The following CAMTA1 variants were observed in gnomAD, a reference collection of about 807,000 sequenced individuals.
CAMTA1 encodes the protein calmodulin binding transcription activator 1.
A neutral mutation model predicts 170.9 loss-of-function variants in CAMTA1; 27 were observed. The observed-to-expected ratio is 0.16, with a 90% CI of 0.12 to 0.22. The LOEUF (loss-of-function observed/expected upper bound fraction) is 0.22. Ranked by LOEUF, CAMTA1 falls within the 10% of genes least tolerant of loss-of-function variation. CAMTA1 has a pLI of 1.00. For synonymous variants in CAMTA1, 833 were observed against 891.5 expected (o/e 0.93, Z 1.17); for missense variants, 1,619 against 2,217.2 (o/e 0.73, Z 5.42).
intron 11 of CAMTA1, among the ~76,000 whole-genome samples, chr1:7,731,809 G>A (rs940259666): frequency 2.0e-5 from 3 of 151,890 alleles, no homozygotes; most frequent in African/African-American, 7.3e-5. Flanking sequence ...CCTGGGAAGT[G>A]GAAGTTGCAA....
At chr1:7,515,930 G>T (rs1240649371) in intron 6 of CAMTA1, among the ~76,000 whole-genome samples, 1 of 152,178 alleles carries the variant, frequency 6.6e-6, no homozygotes, top group Non-Finnish European at 1.5e-5. Flanking sequence ...GGATTGTGGA[G>T]CCTGGTGGCT....
chr1:7,521,905 T>C (rs1274993481), intron 6 of CAMTA1, among the ~76,000 whole-genome samples: 2 of 152,244 alleles, frequency 1.3e-5, no homozygotes, highest in South Asian at 2.1e-4. Context: ...GAACCACTAT[T>C]GTTTGAACCA....
chr1:7,049,894 GC>G (rs1469212772), intron 3 of CAMTA1, among the ~76,000 whole-genome samples: 1 of 152,240 alleles, frequency 6.6e-6, no homozygotes, highest in African/African-American at 2.4e-5. Context: ...CAGAGTCTCT[GC>G]CTTCAAGGAG....
chr1:6,950,054 G>T (rs943616284), intron 3 of CAMTA1, among the ~76,000 whole-genome samples: 1 of 152,238 alleles, frequency 6.6e-6, no homozygotes, highest in African/African-American at 2.4e-5. Flanking sequence ...CCAAGGAAGG[G>T]TGAATCTGTG....
chr1:7,546,073 A>G (rs1005738188), intron 6 of CAMTA1, among the ~76,000 whole-genome samples: 3 of 150,796 alleles, frequency 2.0e-5, no homozygotes, highest in African/African-American at 7.3e-5. Flanking sequence ...CTCCTGCCTC[A>G]GTCTCCCGAG....
At chr1:7,102,398 T>C (rs1023910383) in intron 4 of CAMTA1, among the ~76,000 whole-genome samples, 1 of 152,126 alleles carries the variant, frequency 6.6e-6, no homozygotes, top group Non-Finnish European at 1.5e-5. Flanking sequence ...CCCATCACTC[T>C]CTCCACCGGG....
At chr1:6,902,346 A>G (rs564913234) in intron 3 of CAMTA1, among the ~76,000 whole-genome samples, 1 of 152,342 alleles carries the variant, frequency 6.6e-6, no homozygotes, top group African/African-American at 2.4e-5. Context: ...CAACTGGCCA[A>G]TGAATAAGCA....
At chr1:6,980,189 G>T (rs956970498) in intron 3 of CAMTA1, among the ~76,000 whole-genome samples, 7 of 152,190 alleles carry the variant, frequency 4.6e-5, no homozygotes, top group African/African-American at 1.7e-4. Flanking sequence ...AGTCTCGCCT[G>T]TTGGGGGCCT....
At chr1:7,112,404 C>T (rs562834535) in intron 4 of CAMTA1, among the ~76,000 whole-genome samples, 1 of 152,314 alleles carries the variant, frequency 6.6e-6, no homozygotes, top group African/African-American at 2.4e-5. Flanking sequence ...TGTTTTTCTT[C>T]ACTATAAGTG....
intron 6 of CAMTA1, among the ~76,000 whole-genome samples, chr1:7,497,091 C>T (rs1006513176): frequency 3.3e-5 from 5 of 152,222 alleles, no homozygotes; most frequent in African/African-American, 1.2e-4. Flanking sequence ...TTAAACTCAT[C>T]ACCCAAGATA....
At chr1:6,892,595 TTC>T (rs1264192353) in intron 3 of CAMTA1, among the ~76,000 whole-genome samples, 2 of 138,982 alleles carry the variant, frequency 1.4e-5, no homozygotes, top group Non-Finnish European at 3.2e-5. Flanking sequence ...TTTTTTTCTT[TTC>T]TTTTTTTTTT....
intron 6 of CAMTA1, among the ~76,000 whole-genome samples, chr1:7,632,646 C>T (rs190402456): frequency 2.0e-5 from 3 of 152,392 alleles, no homozygotes; most frequent in Admixed American, 2.0e-4. Flanking sequence ...CCTCCTCCTC[C>T]TCAGCGGAGA....
At chr1:7,139,676 G>A (rs1041124457) in intron 4 of CAMTA1, among the ~76,000 whole-genome samples, 9 of 152,170 alleles carry the variant, frequency 5.9e-5, no homozygotes, top group Non-Finnish European at 1.0e-4. Context: ...ATTCCTTGGC[G>A]ACTAGGTAGT....
intron 6 of CAMTA1, among the ~76,000 whole-genome samples, chr1:7,471,682 C>T (rs1025594121): frequency 3.9e-5 from 6 of 152,258 alleles, no homozygotes; most frequent in Non-Finnish European, 7.3e-5. Flanking sequence ...TCTGCCCCTA[C>T]CGCCTGATGT....
At chr1:7,538,238 G>A (rs1024835452) in intron 6 of CAMTA1, among the ~76,000 whole-genome samples, 2 of 152,224 alleles carry the variant, frequency 1.3e-5, no homozygotes, top group African/African-American at 4.8e-5. Flanking sequence ...TGAGTGCAAA[G>A]TTGAGAGGAA....
chr1:7,712,314 A>G (rs1160379010), intron 11 of CAMTA1, among the ~76,000 whole-genome samples: 1 of 151,854 alleles, frequency 6.6e-6, no homozygotes, highest in African/African-American at 2.4e-5. Flanking sequence ...AACATTATTC[A>G]TTATAATTAC....
At position 7,456,977 on chromosome 1, in the gene CAMTA1, G is replaced by T. The variant is rs554115432; in HGVS notation, c.439-10853G>T. 6.6e-6 allele frequency among the ~76,000 whole-genome samples: 1 copy of T among 151,424 alleles called. No homozygotes were observed. The highest frequency in any genetic ancestry group is 2.4e-5 in the African/African-American group (1 of 41,084). The stretch of plus-strand genomic sequence containing the variant: ...AGTGGAGCGAGGCCCAGCAGAGTTC[G>T]GCGCCGCCCTCCCGTTCCTCCTCCC... On this transcript the variant is annotated intron_variant, in intron 5 of 22. Transcript: ENST00000303635. This position sits in a 1 kb window ranked among gnomAD's most constrained non-coding sequence, Gnocchi z 4.9.
At chr1:7,152,492 TG>T (rs1414917635) in intron 4 of CAMTA1, among the ~76,000 whole-genome samples, 1 of 152,174 alleles carries the variant, frequency 6.6e-6, no homozygotes, top group Non-Finnish European at 1.5e-5. Flanking sequence ...ATTGGGATTT[TG>T]GGGGCCATTC....
chr1:7,270,913 G>A (rs539803675), intron 5 of CAMTA1, among the ~76,000 whole-genome samples: 1 of 152,298 alleles, frequency 6.6e-6, no homozygotes, highest in South Asian at 2.1e-4. Context: ...TTATGGGAAA[G>A]TTATAGCTCT....
Sources: allele counts gnomAD v4.1 joint callset (sites outside exome capture counted in the v4.1 genomes callset), GRCh38; gene constraint gnomAD v4.1.1; non-coding constraint Gnocchi (gnomAD v3.1); transcripts MANE v1.5; gene names NCBI Gene and HGNC (gene_info 2026-07-23, HGNC 2026-07-21).